COL13A1: variants seen among roughly 807,000 people sequenced by gnomAD.
COL13A1 encodes the protein collagen type XIII alpha 1 chain.
A neutral mutation model predicts 130.9 loss-of-function variants in COL13A1; 89 were observed. That is an observed-to-expected ratio of 0.68 (90% CI 0.57 to 0.81). The LOEUF (loss-of-function observed/expected upper bound fraction) is 0.81, where lower values mean the gene tolerates loss of function less well. Ranked by LOEUF, COL13A1 falls within the 30% of genes least tolerant of loss-of-function variation. COL13A1 has a pLI of 0.00. For synonymous variants in COL13A1, 402 were observed against 341.6 expected (o/e 1.18, Z -1.95); for missense variants, 879 against 934.6 (o/e 0.94, Z 0.78).
At chr10:69,904,871 A>G in intron 15 of COL13A1, 62 bp from the exon 16 acceptor site, 1 of 1,523,050 alleles carries the variant, frequency 6.6e-7, no homozygotes, top group Non-Finnish European at 8.8e-7. Flanking sequence ...AAGTATGGCT[A>G]GCCCCAACCA....
intron 39 of COL13A1, chr10:69,955,886 G>A (rs919869620): frequency 5.9e-5 from 9 of 152,150 alleles, no homozygotes; most frequent in African/African-American, 2.2e-4. Context: ...GAGGGGCAGG[G>A]GTAGCTATTG....
chr10:69,956,922 G>T, intron 39 of COL13A1, 82 bp from the exon 40 acceptor site: 1 of 1,070,738 alleles, frequency 9.3e-7, no homozygotes, highest in Non-Finnish European at 1.5e-6. Context: ...CAAAATGCGT[G>T]TGGCCCTTGT....
intron 10 of COL13A1, among the ~76,000 whole-genome samples, chr10:69,891,540 A>T (rs1334516592): frequency 6.6e-6 from 1 of 152,168 alleles, no homozygotes. Context: ...TCTCCATCAC[A>T]GCTGCCTCCG....
intron 10 of COL13A1, among the ~76,000 whole-genome samples, chr10:69,894,192 G>A (rs1257534799): frequency 6.6e-6 from 1 of 152,230 alleles, no homozygotes; most frequent in Non-Finnish European, 1.5e-5. Flanking sequence ...GGCAGGAGGT[G>A]GAATGTGCTA....
chr10:69,828,919 A>T (rs1848152963), intron 2 of COL13A1, among the ~76,000 whole-genome samples: 1 of 152,240 alleles, frequency 6.6e-6, no homozygotes, highest in Non-Finnish European at 1.5e-5. Context: ...GCTTGAGAGC[A>T]GCATGTAGTA....
intron 2 of COL13A1, among the ~76,000 whole-genome samples, chr10:69,864,544 C>T (rs759304841): frequency 6.6e-6 from 1 of 152,204 alleles, no homozygotes; most frequent in Non-Finnish European, 1.5e-5. Context: ...AGTTTTCCTT[C>T]CTCAGAGGAC....
intron 17 of COL13A1, among the ~76,000 whole-genome samples, chr10:69,906,309 C>CA (rs1193793457): frequency 6.6e-6 from 1 of 152,172 alleles, no homozygotes; most frequent in Non-Finnish European, 1.5e-5. Context: ...CTCTCTGTCA[C>CA]AATTCTGTGG....
intron 35 of COL13A1, among the ~76,000 whole-genome samples, chr10:69,941,821 G>C (rs897182370): frequency 6.6e-6 from 1 of 152,156 alleles, no homozygotes; most frequent in Non-Finnish European, 1.5e-5. Flanking sequence ...AGCGCCCTCT[G>C]AGGTCAACCT....
chr10:69,802,473 C>G lies in COL13A1; in HGVS notation c.50C>G (p.Pro17Arg), dbSNP rs1230844397. The change falls in exon 1 of 41, where the codon CCT becomes CGT. Residue 17 changes from proline (P) to arginine (R), a missense_variant. Physicochemically the swap from Pro to Arg is moderately radical, Grantham distance 103. Coordinates refer to ENST00000645393, the MANE Select transcript of COL13A1 (RefSeq NM_001368882.1). The part of the protein sequence containing the change: ...HKAAATGARG[P>R]GELGAPGTVA... ...GCGGCAGCCACCGGTGCCCGCGGCCCTGGGGAGTTGGGCGCGCCCGGGACG... is the reference window on the plus strand; with the variant it reads ...GCGGCAGCCACCGGTGCCCGCGGCCGTGGGGAGTTGGGCGCGCCCGGGACG... The G allele has an allele frequency of 2.6e-6, 4 of 1,518,608 alleles. No individual in the cohort carries two copies. The African/African-American group carries it at 5.8e-5, about 22-fold the overall frequency. 94.1% of individuals were successfully genotyped at this position (1,518,608 alleles called of 1,614,324 possible).
intron 34 of COL13A1, among the ~76,000 whole-genome samples, chr10:69,938,212 G>A (rs2067195004): frequency 6.6e-6 from 1 of 152,184 alleles, no homozygotes; most frequent in African/African-American, 2.4e-5. Flanking sequence ...TTCATCTCCT[G>A]GGTTCGTGGA....
At position 69,936,250 on chromosome 10, in the gene COL13A1, C is replaced by A. The variant is rs2066907571; in HGVS notation, c.1771-506C>A. Among the ~76,000 whole-genome samples the A allele has an allele frequency of 2.0e-5, 3 of 152,050 alleles. No individual in the cohort carries two copies. In the South Asian group the frequency reaches 6.2e-4, roughly 32 times the overall value. ...CTTTCCTTGGCTACAGAAATGTAAC[C>A]ATGGGGCCCCTGTGCATCACCCCTA... On this transcript the variant is annotated intron_variant, in intron 32 of 40. Coordinates refer to ENST00000645393, the MANE Select transcript of COL13A1 (RefSeq NM_001368882.1).
chr10:69,956,701 G>A, intron 39 of COL13A1: 1 of 344,380 alleles, frequency 2.9e-6, no homozygotes, highest in Non-Finnish European at 5.6e-6. Flanking sequence ...TAGGGCCACA[G>A]CAGAGACTGT....
At chr10:69,949,949 CGTGT>C (rs1234992758) in intron 38 of COL13A1, among the ~76,000 whole-genome samples, 1 of 103,442 alleles carries the variant, frequency 9.7e-6, no homozygotes, top group Non-Finnish European at 2.4e-5. Flanking sequence ...TGTGTGTGTG[CGTGT>C]GTTTGTGTGT....
chr10:69,804,576 C>T (rs1335839121), intron 1 of COL13A1, among the ~76,000 whole-genome samples: 1 of 151,680 alleles, frequency 6.6e-6, no homozygotes, highest in Non-Finnish European at 1.5e-5. Context: ...CCCAGAGTCA[C>T]ATGGCGAGGC....
At chr10:69,848,763 A>C (rs534587223) in intron 2 of COL13A1, among the ~76,000 whole-genome samples, 105 of 152,258 alleles carry the variant, frequency 6.9e-4, no homozygotes, top group African/African-American at 2.4e-3. Context: ...AAAACAATGG[A>C]AGCATTCCCC....
In COL13A1 at chr10:69,927,850, C is replaced by T. The variant is rs1473216156; in HGVS notation, c.1422+740C>T. ...ACATGGTTCTGGAATCAATGAGCTTCATTTGGAGACATTAAAATATATTAT... is the reference window on the plus strand; with the variant it reads ...ACATGGTTCTGGAATCAATGAGCTTTATTTGGAGACATTAAAATATATTAT... On this transcript the variant is annotated intron_variant, in intron 27 of 40. Transcript: ENST00000645393. Among the ~76,000 whole-genome samples the T allele has an allele frequency of 3.9e-5, 6 of 152,328 alleles. No homozygotes were observed. The East Asian group carries it at 9.6e-4, about 24-fold the overall frequency.
intron 7 of COL13A1, 75 bp from the exon 8 acceptor site, chr10:69,887,381 T>C (rs1216540994): frequency 6.8e-7 from 1 of 1,473,132 alleles, no homozygotes; most frequent in African/African-American, 1.4e-5. Flanking sequence ...GGAGCAAAGA[T>C]GAACTGGAGG....
At position 69,895,564 on chromosome 10, in the gene COL13A1, G is replaced by C. The variant is rs749952829; in HGVS notation, c.672G>C (p.Glu224Asp). Residue 224 changes from glutamate to aspartate, a missense_variant, in exon 13 of 41, where the codon GAG becomes GAC. Glu to Asp is a conservative substitution (Grantham distance 45). Around this residue, in one of 3 missense-constraint regions of COL13A1, gnomAD observed 715 missense variants for 721.0 expected, o/e 0.99. Transcript: ENST00000645393. ...CTCCTTCCCAGGGTCAGTGTGGAGAGTACCCACACCGGGTAAGTGAACCCC... is the reference window on the plus strand; with the variant it reads ...CTCCTTCCCAGGGTCAGTGTGGAGACTACCCACACCGGGTAAGTGAACCCC... ...GQKGEKGQCG[E>D]YPHRLLPLLN... 1 of 1,613,970 alleles carries C rather than the reference G, an allele frequency of 6.2e-7. No homozygotes were observed. Among genetic ancestry groups the C allele is most frequent in the Non-Finnish European group, 8.5e-7 (1 of 1,179,878 alleles).
chr10:69,954,474 G>A (rs1415390243), intron 39 of COL13A1, among the ~76,000 whole-genome samples: 1 of 152,216 alleles, frequency 6.6e-6, no homozygotes, highest in East Asian at 1.9e-4. Context: ...CAGAATCACT[G>A]GCTGAGCACC....
Sources: gnomAD v4.1 joint callset for allele counts (sites outside exome capture counted in the v4.1 genomes callset) on GRCh38, gnomAD v4.1.1 for gene constraint, gnomAD v4.1.1 regional missense constraint, MANE v1.5 for transcripts, NCBI Gene and HGNC (gene_info 2026-07-23, HGNC 2026-07-21) for gene names.